The following UNC5D variants were observed in gnomAD, a reference collection of about 807,000 sequenced individuals.
The protein encoded by UNC5D is netrin receptor UNC5D.
Under a neutral mutation model 105.4 loss-of-function variants are expected in UNC5D, and 39 were observed. The ratio of observed to expected loss-of-function variants is 0.37; its 90% CI spans 0.29 to 0.48. The LOEUF (loss-of-function observed/expected upper bound fraction) is 0.48. UNC5D is among the 20% of genes least tolerant of loss of function. The probability of loss-of-function intolerance (pLI) is 0.98; values close to 1 mark genes in which losing one functional copy is unlikely to be tolerated. For synonymous variants in UNC5D, 452 were observed against 450.4 expected, an observed-to-expected ratio of 1.00 and a Z score of -0.04; for missense variants, 991 against 1,202.4, an observed-to-expected ratio of 0.82 and a Z score of 2.60.
chr8:35,359,186 A>C (rs567771969), intron 1 of UNC5D, among the ~76,000 whole-genome samples: 1 of 152,380 alleles, frequency 6.6e-6, no homozygotes, highest in South Asian at 2.1e-4. Flanking sequence ...AGACTCTTCA[A>C]GAAAAAGGTA....
Position 35,661,480 on chromosome 8 carries a change from C to T in UNC5D, c.571-22067C>T, listed in dbSNP as rs976202380. Among the ~76,000 whole-genome samples the T allele has an allele frequency of 5.9e-5, 9 of 152,150 alleles. No individual in the cohort carries two copies. The South Asian group carries it at 1.5e-3, about 25-fold the overall frequency. On this transcript the variant is annotated intron_variant, in intron 4 of 16. Coordinates refer to ENST00000404895, the MANE Select transcript of UNC5D (RefSeq NM_080872.4). ...AGGGTTCGGTAGAAAGAGACCATGA[C>T]AAAAGAGAAATCTACTACTTTAACA...
At position 35,462,597 on chromosome 8, in the gene UNC5D, CAATAAT is replaced by C. The variant is rs1278244162; in HGVS notation, c.104-86690_104-86685del. ...ATCATCAAAATATTCTTAACTCTAA[CAATAAT>C]AATATTATGGGACTAATTTACTTCA... On this transcript the variant is annotated intron_variant, in intron 1 of 16. Transcript: ENST00000404895. 1.6e-4 allele frequency among the ~76,000 whole-genome samples: 24 copies of C among 152,240 alleles called. No homozygotes were observed. In the Middle Eastern group the frequency reaches 0.014, roughly 87 times the overall value.
chr8:35,562,623 CT>C (rs1466906141), intron 2 of UNC5D, among the ~76,000 whole-genome samples: 1 of 151,932 alleles, frequency 6.6e-6, no homozygotes, highest in African/African-American at 2.4e-5. Flanking sequence ...TGATAAATGT[CT>C]TTTCAGGTCT....
intron 1 of UNC5D, among the ~76,000 whole-genome samples, chr8:35,342,063 C>T (rs1485353473): frequency 1.3e-5 from 2 of 151,956 alleles, no homozygotes; most frequent in African/African-American, 2.4e-5. Flanking sequence ...AAATATTTAC[C>T]GTGGATGCAT....
chr8:35,552,535 T>C lies in UNC5D; in HGVS notation c.322+3025T>C, dbSNP rs554561612. 1.2e-4 allele frequency among the ~76,000 whole-genome samples: 18 copies of C among 152,362 alleles called. 1 individual carries two copies. The South Asian group carries it at 3.7e-3, about 32-fold the overall frequency. On this transcript the variant is annotated intron_variant, in intron 2 of 16. Transcript: ENST00000404895. ...TTTAGAATTTATTTATTCCTGACCA[T>C]TTCTTCCATCTTCGTAAAAGCCAAT...
intron 1 of UNC5D, among the ~76,000 whole-genome samples, chr8:35,297,028 A>T (rs952675225): frequency 3.3e-5 from 5 of 152,224 alleles, no homozygotes; most frequent in African/African-American, 1.2e-4. Context: ...TTTACGCAAA[A>T]CAAATTTTAT....
intron 1 of UNC5D, among the ~76,000 whole-genome samples, chr8:35,419,819 G>A (rs952681057): frequency 6.6e-6 from 1 of 152,140 alleles, no homozygotes; most frequent in Non-Finnish European, 1.5e-5. Flanking sequence ...CTGTGTCCAA[G>A]AAGAATGAGG....
intron 1 of UNC5D, among the ~76,000 whole-genome samples, chr8:35,504,018 C>T: frequency 6.6e-6 from 1 of 152,138 alleles, no homozygotes; most frequent in Admixed American, 6.5e-5. Flanking sequence ...CCAGGTTTGG[C>T]TGACCTTAAT....
At chr8:35,552,898 CA>C (rs894914201) in intron 2 of UNC5D, among the ~76,000 whole-genome samples, 27 of 152,240 alleles carry the variant, frequency 1.8e-4, no homozygotes, top group African/African-American at 6.5e-4. Context: ...ACCATATAAG[CA>C]AAAGGCTACA....
chr8:35,628,109 T>C (rs992581184), intron 4 of UNC5D, among the ~76,000 whole-genome samples: 2 of 149,862 alleles, frequency 1.3e-5, no homozygotes, highest in Admixed American at 6.6e-5. Context: ...AGAAAGCTCT[T>C]TATTTATTTA....
intron 1 of UNC5D, among the ~76,000 whole-genome samples, chr8:35,505,077 A>G (rs931167798): frequency 2.0e-5 from 3 of 152,246 alleles, no homozygotes; most frequent in African/African-American, 7.2e-5. Context: ...GAGGTGATGT[A>G]TACCCCATAC....
intron 1 of UNC5D, among the ~76,000 whole-genome samples, chr8:35,293,742 C>T (rs181905383): frequency 2.0e-5 from 3 of 152,162 alleles, no homozygotes; most frequent in Admixed American, 6.5e-5. Flanking sequence ...TTTACTATAA[C>T]GGTTATGGCA....
intron 4 of UNC5D, among the ~76,000 whole-genome samples, chr8:35,600,754 G>A (rs1174304035): frequency 6.6e-6 from 1 of 152,164 alleles, no homozygotes; most frequent in Non-Finnish European, 1.5e-5. Context: ...TAGGTTGCCT[G>A]TTCACTCTGA....
Position 35,683,739 on chromosome 8 carries a change from C to A in UNC5D, c.751+12C>A. 2 of 1,488,184 alleles carry A rather than the reference C, an allele frequency of 1.3e-6. No homozygotes were observed. Among genetic ancestry groups the A allele is most frequent in the South Asian group, 1.5e-5 (1 of 68,778 alleles). 92.2% of individuals were successfully genotyped at this position (1,488,184 alleles called of 1,614,324 possible). A position where few individuals can be genotyped will look rare whatever the true frequency, so the allele number is the denominator to read the frequency against. On this transcript the variant is annotated intron_variant, in intron 5 of 16. Transcript: ENST00000404895. ...TGTTGTGGTCTACGGTAAGACCATT[C>A]CAAAGGCCAGGAATGGATAGGGAGG...
intron 1 of UNC5D, among the ~76,000 whole-genome samples, chr8:35,369,345 A>G (rs1194486537): frequency 1.3e-5 from 2 of 152,228 alleles, no homozygotes; most frequent in Non-Finnish European, 2.9e-5. Flanking sequence ...ATAGCATGAT[A>G]TTCCTTTAAA....
rs148258554 is a variant in UNC5D at position 35,513,640 on chromosome 8, C to T, written c.104-35652C>T. Among the ~76,000 whole-genome samples the T allele has an allele frequency of 9.8e-5, 15 of 152,318 alleles. No individual in the cohort carries two copies. The South Asian group carries it at 2.1e-3, about 21-fold the overall frequency. On this transcript the variant is annotated intron_variant, in intron 1 of 16. Coordinates refer to ENST00000404895, the MANE Select transcript of UNC5D (RefSeq NM_080872.4). Reference sequence around the variant, plus strand: ...CAGCACTTACTTGTCATCTAACATACCATAGACTTGTTAAAAATGAGTTCC... The same window carrying T: ...CAGCACTTACTTGTCATCTAACATATCATAGACTTGTTAAAAATGAGTTCC...
At chr8:35,306,142 C>T (rs1309628751) in intron 1 of UNC5D, among the ~76,000 whole-genome samples, 1 of 151,648 alleles carries the variant, frequency 6.6e-6, no homozygotes, top group Admixed American at 6.6e-5. Context: ...TTGTCTTAAA[C>T]TATACAGAAG....
chr8:35,751,403 G>A (rs1031215453), intron 13 of UNC5D, among the ~76,000 whole-genome samples: 1 of 152,176 alleles, frequency 6.6e-6, no homozygotes, highest in Non-Finnish European at 1.5e-5. Context: ...TCTTGTGGCC[G>A]ATTTGTTAGT....
At chr8:35,288,719 G>T (rs1806805100) in intron 1 of UNC5D, among the ~76,000 whole-genome samples, 1 of 152,280 alleles carries the variant, frequency 6.6e-6, no homozygotes, top group South Asian at 2.1e-4. Flanking sequence ...CATAAAAGTT[G>T]TTGGGAGGGT....
Sources: gnomAD v4.1 joint callset for allele counts (sites outside exome capture counted in the v4.1 genomes callset) on GRCh38, gnomAD v4.1.1 for gene constraint, MANE v1.5 for transcripts, NCBI Gene and HGNC (gene_info 2026-07-23, HGNC 2026-07-21) for gene names.